The following KCNIP4 variants were observed in gnomAD, a reference collection of about 807,000 sequenced individuals.
KCNIP4 encodes the protein potassium voltage-gated channel interacting protein 4.
In KCNIP4, 12 loss-of-function variants were observed where a neutral mutation model predicts 34.0. The observed-to-expected ratio is 0.35, with a 90% CI of 0.23 to 0.57. KCNIP4 has a LOEUF of 0.57. Ranked by LOEUF, KCNIP4 falls within the 20% of genes least tolerant of loss-of-function variation. The pLI is 0.83. For missense variants in KCNIP4, 238 were observed against 311.7 expected (o/e 0.76, Z 1.78); for synonymous variants, 124 against 102.2 (o/e 1.21, Z -1.29).
intron 1 of KCNIP4, among the ~76,000 whole-genome samples, chr4:21,771,487 A>G (rs758512202): frequency 6.6e-6 from 1 of 152,122 alleles, no homozygotes; most frequent in Non-Finnish European, 1.5e-5. Context: ...AAGAATGTCA[A>G]TGGTAGTTTA....
intron 3 of KCNIP4, 31 bp downstream of exon 3, chr4:20,850,512 G>C (rs1329042814): frequency 2.5e-6 from 4 of 1,606,390 alleles, no homozygotes; most frequent in Non-Finnish European, 3.4e-6. Context: ...TGGGAATTGT[G>C]TGAAGGTAAA....
intron 1 of KCNIP4, among the ~76,000 whole-genome samples, chr4:21,341,610 C>T (rs977747539): frequency 6.6e-6 from 1 of 152,078 alleles, no homozygotes; most frequent in African/African-American, 2.4e-5. Flanking sequence ...CCAAGGGACC[C>T]AAGGGAGTAA....
chr4:21,437,090 A>T (rs574054542), intron 1 of KCNIP4, among the ~76,000 whole-genome samples: 1 of 152,286 alleles, frequency 6.6e-6, no homozygotes, highest in African/African-American at 2.4e-5. Context: ...TCCCCTGGAC[A>T]TATTAGAATG....
At chr4:21,504,478 AGAAAG>A (rs1560466960) in intron 1 of KCNIP4, among the ~76,000 whole-genome samples, 16 of 114,004 alleles carry the variant, frequency 1.4e-4, no homozygotes, top group African/African-American at 5.4e-4. Context: ...AAAAAAAAAA[AGAAAG>A]AAAGAAAGAA....
rs182233374 is a variant in KCNIP4, at chr4:21,660,125, T to C, written c.61+288446A>G. Among the ~76,000 whole-genome samples, 31 of 152,274 alleles carry C rather than the reference T, an allele frequency of 2.0e-4. No individual in the cohort carries two copies. The East Asian group carries it at 5.6e-3, about 28-fold the overall frequency. On this transcript the variant is annotated intron_variant, in intron 1 of 8. Transcript: ENST00000382152. The stretch of plus-strand genomic sequence containing the variant: ...ATTTCCCTTATTTAAAGTCTTAGGA[T>C]TTTTCCACCAGGAAATATCTTCCCT...
intron 1 of KCNIP4, among the ~76,000 whole-genome samples, chr4:21,912,152 C>T (rs1728368457): frequency 6.6e-6 from 1 of 151,354 alleles, no homozygotes; most frequent in South Asian, 2.1e-4. Flanking sequence ...TTATCAAATC[C>T]CTATTATGTG....
intron 1 of KCNIP4, chr4:20,984,000 C>A: frequency 6.6e-7 from 1 of 1,517,882 alleles, no homozygotes; most frequent in Admixed American, 2.1e-5. Context: ...ATCGTAGCAA[C>A]GTCAGGCTTG....
At chr4:20,807,078 T>C (rs1715194224) in intron 3 of KCNIP4, among the ~76,000 whole-genome samples, 1 of 152,148 alleles carries the variant, frequency 6.6e-6, no homozygotes, top group African/African-American at 2.4e-5. Flanking sequence ...CTGTCATCAC[T>C]GTGGGCTGTG....
chr4:20,896,609 GA>G (rs1726557653), intron 1 of KCNIP4, among the ~76,000 whole-genome samples: 1 of 152,112 alleles, frequency 6.6e-6, no homozygotes, highest in African/African-American at 2.4e-5. Flanking sequence ...GGAGCCAGGA[GA>G]GGAACAAGAA....
intron 2 of KCNIP4, among the ~76,000 whole-genome samples, chr4:20,855,307 C>A (rs770790153): frequency 3.9e-5 from 6 of 152,130 alleles, no homozygotes; most frequent in Non-Finnish European, 5.9e-5. Flanking sequence ...AGGAACTTAG[C>A]AGGAATAAAA....
At chr4:21,640,355 T>A (rs1746524260) in intron 1 of KCNIP4, among the ~76,000 whole-genome samples, 1 of 152,184 alleles carries the variant, frequency 6.6e-6, no homozygotes, top group Non-Finnish European at 1.5e-5. Context: ...ACAAAAGCAA[T>A]CACAAAGCTC....
At chr4:21,072,853 T>C (rs1340721066) in intron 1 of KCNIP4, among the ~76,000 whole-genome samples, 1 of 152,188 alleles carries the variant, frequency 6.6e-6, no homozygotes, top group Non-Finnish European at 1.5e-5. Flanking sequence ...CAGTTTCAGT[T>C]TTCTCCATAT....
intron 1 of KCNIP4, among the ~76,000 whole-genome samples, chr4:21,045,900 TAAACTC>T (rs1201202604): frequency 6.6e-6 from 1 of 152,236 alleles, no homozygotes; most frequent in Non-Finnish European, 1.5e-5. Flanking sequence ...AGAAATTTGA[TAAACTC>T]AGACCGATCC....
chr4:21,922,127 T>C (rs1157018160), intron 1 of KCNIP4, among the ~76,000 whole-genome samples: 1 of 152,200 alleles, frequency 6.6e-6, no homozygotes, highest in Non-Finnish European at 1.5e-5. Context: ...CGGGAAAACT[T>C]TTCCTCCAGA....
intron 1 of KCNIP4, among the ~76,000 whole-genome samples, chr4:21,530,599 A>G (rs1409782539): frequency 1.3e-5 from 2 of 152,202 alleles, no homozygotes. Flanking sequence ...CGCATAGACC[A>G]TGAGAGCTCT....
At chr4:20,784,679 A>G (rs1711710515) in intron 3 of KCNIP4, among the ~76,000 whole-genome samples, 1 of 151,794 alleles carries the variant, frequency 6.6e-6, no homozygotes. Context: ...ATACAAAGTT[A>G]TGGAATGTGT....
intron 1 of KCNIP4, among the ~76,000 whole-genome samples, chr4:21,547,309 A>G (rs1738226682): frequency 6.6e-6 from 1 of 152,128 alleles, no homozygotes; most frequent in East Asian, 1.9e-4. Context: ...TACAACAAAG[A>G]AAAGAAGGAA....
intron 1 of KCNIP4, among the ~76,000 whole-genome samples, chr4:21,809,066 T>A (rs1370890919): frequency 6.6e-6 from 1 of 152,194 alleles, no homozygotes; most frequent in African/African-American, 2.4e-5. Flanking sequence ...GACTGGGCTG[T>A]GGGATACCCA....
At position 21,151,405 on chromosome 4, in the gene KCNIP4, AATTTTTTTTTTTTTT is replaced by A. The variant is rs1329285055; in HGVS notation, c.62-268711_62-268697del. Among the ~76,000 whole-genome samples the A allele has an allele frequency of 4.8e-3, 448 of 93,526 alleles. 12 individuals carry two copies. The highest frequency in any genetic ancestry group is 0.017 in the African/African-American group (426 of 24,734). 61.4% of individuals were successfully genotyped at this position (93,526 alleles called of 152,430 possible). A position where few individuals can be genotyped will look rare whatever the true frequency, so the allele number is the denominator to read the frequency against. On this transcript the variant is annotated intron_variant, in intron 1 of 8. Coordinates refer to ENST00000382152, the MANE Select transcript of KCNIP4 (RefSeq NM_025221.6). The stretch of plus-strand genomic sequence containing the variant: ...AGAATGGATGTCTTCAACAAAAGAC[AATTTTTTTTTTTTTT>A]TTTTTTTTTTTTTTGCTGTTCTGGA...
Sources: allele counts gnomAD v4.1 joint callset (sites outside exome capture counted in the v4.1 genomes callset), GRCh38; gene constraint gnomAD v4.1.1; transcripts MANE v1.5; gene names NCBI Gene and HGNC (gene_info 2026-07-23, HGNC 2026-07-21).